Variants in DOCK4 observed in about 807,000 individuals in gnomAD.
DOCK4 encodes the protein dedicator of cytokinesis 4.
In DOCK4, 97 loss-of-function variants were observed where a neutral mutation model predicts 268.1. The observed-to-expected ratio is 0.36, with a 90% CI of 0.31 to 0.43. The LOEUF (loss-of-function observed/expected upper bound fraction) is 0.43, where lower values mean the gene tolerates loss of function less well. Among genes scored for constraint, DOCK4 ranks in the 20% least tolerant of loss-of-function variants. The pLI is 1.00. For synonymous variants in DOCK4, 954 were observed against 887.2 expected, an observed-to-expected ratio of 1.08 and a Z score of -1.34; for missense variants, 2,145 against 2,455.7, an observed-to-expected ratio of 0.87 and a Z score of 2.67.
rs573739797 is a variant in DOCK4 at position 111,830,294 on chromosome 7, C to T, written c.2835+4294G>A. Among the ~76,000 whole-genome samples the T allele has an allele frequency of 1.4e-3, 216 of 152,164 alleles. 1 individual carries two copies. Among genetic ancestry groups the T allele is most frequent in the African/African-American group, 4.9e-3 (205 of 41,510 alleles). ...ACAAAAAATCCGCCGGGCGTGGTGG[C>T]GCGTGCCTGTAGTCCCAGCTACTCA... On this transcript the variant is annotated intron_variant, in intron 26 of 52. Coordinates refer to ENST00000428084, the MANE Select transcript of DOCK4 (RefSeq NM_001363540.2).
At chr7:112,193,050 C>T (rs1407410854) in intron 1 of DOCK4, among the ~76,000 whole-genome samples, 1 of 152,126 alleles carries the variant, frequency 6.6e-6, no homozygotes, top group Non-Finnish European at 1.5e-5. Flanking sequence ...AATGCCCCAA[C>T]CAAAGTTTCA....
In DOCK4 at chr7:112,206,230, T is replaced by C. The variant is rs1246708623; in HGVS notation, c.-92A>G. 1 of 1,391,966 alleles carries C rather than the reference T, an allele frequency of 7.2e-7. No individual in the cohort carries two copies. The highest frequency in any genetic ancestry group is 1.4e-5 in the African/African-American group (1 of 69,174). 86.2% of individuals were successfully genotyped at this position (1,391,966 alleles called of 1,614,324 possible). ...GCACAGTCCCCGAGCAGCGCTGCAG[T>C]GCCGGAGCCCAGCGGCTTCGCGCGG... On this transcript the variant is annotated 5_prime_UTR_variant, in exon 1 of 53. Coordinates refer to ENST00000428084, the MANE Select transcript of DOCK4 (RefSeq NM_001363540.2).
intron 8 of DOCK4, among the ~76,000 whole-genome samples, chr7:111,954,245 G>A (rs931143229): frequency 3.3e-5 from 5 of 152,154 alleles, no homozygotes; most frequent in African/African-American, 1.2e-4. Context: ...AAAAGCTCAG[G>A]CCGCACTATA....
At chr7:111,972,130 T>C (rs1797762015) in intron 8 of DOCK4, 1 of 152,350 alleles carries the variant, frequency 6.6e-6, no homozygotes, top group Non-Finnish European at 1.5e-5. Context: ...GTATTACCAT[T>C]ATCAAGAATT....
rs1292218441 is a variant in DOCK4 at position 111,872,567 on chromosome 7, T to G, written c.1745-3A>C. 1.3e-6 allele frequency: 2 copies of G among 1,581,640 alleles called. No homozygotes were observed. The highest frequency in any genetic ancestry group is 1.7e-6 in the Non-Finnish European group (2 of 1,163,370). ...TTTCAAAAGATCAAGCATATCACCTTTCAAAATAGAAAAGGAAGATTAATT... is the reference window on the plus strand; with the variant it reads ...TTTCAAAAGATCAAGCATATCACCTGTCAAAATAGAAAAGGAAGATTAATT... On this transcript the variant is annotated splice_region_variant and splice_polypyrimidine_tract_variant and intron_variant, in intron 17 of 52. Coordinates refer to ENST00000428084, the MANE Select transcript of DOCK4 (RefSeq NM_001363540.2).
intron 15 of DOCK4, among the ~76,000 whole-genome samples, chr7:111,898,349 A>G (rs576892278): frequency 6.6e-6 from 1 of 152,342 alleles, no homozygotes; most frequent in Non-Finnish European, 1.5e-5. Flanking sequence ...TGTTGCCAAC[A>G]CATGTCCTTA....
intron 16 of DOCK4, among the ~76,000 whole-genome samples, chr7:111,885,600 C>T (rs898677295): frequency 3.9e-5 from 6 of 152,098 alleles, no homozygotes; most frequent in Admixed American, 2.6e-4. Flanking sequence ...GCAATGTGAC[C>T]CCGGCTTCTT....
intron 1 of DOCK4, among the ~76,000 whole-genome samples, chr7:112,056,280 GT>G (rs567544595): frequency 7.9e-4 from 120 of 152,258 alleles, no homozygotes; most frequent in African/African-American, 2.8e-3. Flanking sequence ...GGTTGATAGA[GT>G]TAGGTCCACA....
At chr7:112,175,142 T>C (rs1206102125) in intron 1 of DOCK4, among the ~76,000 whole-genome samples, 6 of 152,126 alleles carry the variant, frequency 3.9e-5, no homozygotes, top group Middle Eastern at 3.4e-3. Flanking sequence ...GGATTACAGG[T>C]GTGAGTCACC....
intron 1 of DOCK4, among the ~76,000 whole-genome samples, chr7:112,192,838 C>T (rs185236794): frequency 3.5e-4 from 53 of 151,830 alleles, no homozygotes; most frequent in African/African-American, 1.2e-3. Context: ...ACCAACATGT[C>T]GTAAAATATG....
chr7:112,078,912 G>A (rs925454892), intron 1 of DOCK4, among the ~76,000 whole-genome samples: 4 of 152,148 alleles, frequency 2.6e-5, no homozygotes, highest in Non-Finnish European at 4.4e-5. Context: ...GATCACATGA[G>A]GCCAGGAGTT....
intron 4 of DOCK4, among the ~76,000 whole-genome samples, chr7:111,997,776 T>C (rs1445692447): frequency 1.3e-5 from 2 of 152,216 alleles, no homozygotes; most frequent in East Asian, 1.9e-4. Context: ...TCTAAATCCA[T>C]GGCCCCTTAT....
intron 1 of DOCK4, among the ~76,000 whole-genome samples, chr7:112,059,057 G>A (rs1410666178): frequency 3.3e-5 from 5 of 150,750 alleles, no homozygotes; most frequent in African/African-American, 9.8e-5. Context: ...GGGAAATTCA[G>A]AGGCAAATGA....
chr7:112,091,787 A>C (rs1809656176), intron 1 of DOCK4, among the ~76,000 whole-genome samples: 1 of 152,150 alleles, frequency 6.6e-6, no homozygotes, highest in Non-Finnish European at 1.5e-5. Context: ...GAAATGAACG[A>C]GAATCCACAA....
chr7:111,841,152 GATTTATTTATTT>G (rs10561221), intron 25 of DOCK4, among the ~76,000 whole-genome samples: 8 of 150,452 alleles, frequency 5.3e-5, no homozygotes, highest in Non-Finnish European at 7.4e-5. Flanking sequence ...TATTTTCTCT[GATTTATTTATTT>G]ATTTATTTAT....
chr7:111,728,832 C>T (rs1163081340), intron 52 of DOCK4, 112 bp from the exon 53 acceptor site: 2 of 1,039,404 alleles, frequency 1.9e-6, no homozygotes, highest in African/African-American at 1.6e-5. Context: ...CCCCCAAAGC[C>T]GGCTGCAGCA....
chr7:111,758,782 T>C lies in DOCK4; in HGVS notation c.4171A>G (p.Ile1391Val). The C allele has an allele frequency of 6.2e-7, 1 of 1,613,698 alleles. No individual in the cohort carries two copies. The stretch of plus-strand genomic sequence containing the variant: ...TCTGGAATGGGAGTCACAGCATATA[T>C]CTGCAAATCTAGGATTCAAGAGTCA... The part of the protein sequence containing the change: ...IFQAEAQYLQ[I>V]YAVTPIPESQ... Residue 1391 changes from isoleucine to valine, a missense_variant, in exon 41 of 53, where the codon ATA (isoleucine) becomes GTA (valine). By Grantham distance (29) the Ile-to-Val change is conservative. Transcript: ENST00000428084.
intron 4 of DOCK4, among the ~76,000 whole-genome samples, chr7:111,998,093 T>G (rs1159205457): frequency 6.6e-6 from 1 of 152,162 alleles, no homozygotes; most frequent in Admixed American, 6.5e-5. Context: ...ACCTAGGAAA[T>G]TCCTGGGGTT....
chr7:111,880,220 T>C (rs1187449591), intron 16 of DOCK4, among the ~76,000 whole-genome samples: 2 of 152,200 alleles, frequency 1.3e-5, no homozygotes, highest in South Asian at 2.1e-4. Flanking sequence ...GGAGCTCCAA[T>C]ACATCTGGCA....
Sources: gnomAD v4.1 joint callset for allele counts (sites outside exome capture counted in the v4.1 genomes callset) on GRCh38, gnomAD v4.1.1 for gene constraint, MANE v1.5 for transcripts, NCBI Gene and HGNC (gene_info 2026-07-23, HGNC 2026-07-21) for gene names.